Variants in MECOM observed in about 807,000 individuals in gnomAD.
MECOM encodes MDS1 and EVI1 complex locus, also known as histone-lysine N-methyltransferase MECOM.
In MECOM, 13 loss-of-function variants were observed where a neutral mutation model predicts 116.3. The ratio of observed to expected loss-of-function variants is 0.11; its 90% CI spans 0.07 to 0.18. The LOEUF is 0.18. Among genes scored for constraint, MECOM ranks in the 10% least tolerant of loss-of-function variants. The pLI, the probability that MECOM is intolerant of heterozygous loss-of-function variation, is 1.00. For missense variants in MECOM, 1,299 were observed against 1,509.0 expected (o/e 0.86, Z 2.31); for synonymous variants, 528 against 535.2 (o/e 0.99, Z 0.19).
intron 7 of MECOM, among the ~76,000 whole-genome samples, chr3:169,118,534 A>C (rs1338888779): frequency 6.6e-6 from 1 of 152,204 alleles, no homozygotes; most frequent in Non-Finnish European, 1.5e-5. Flanking sequence ...ATATTAGAAT[A>C]ATTTATAGCT....
chr3:169,211,729 G>A (rs1054026634), intron 2 of MECOM, among the ~76,000 whole-genome samples: 4 of 152,040 alleles, frequency 2.6e-5, no homozygotes, highest in Non-Finnish European at 4.4e-5. Context: ...GTTTCATCCA[G>A]TTCTAGAACT....
chr3:169,558,421 C>T (rs1333629958), intron 1 of MECOM, among the ~76,000 whole-genome samples: 1 of 152,208 alleles, frequency 6.6e-6, no homozygotes, highest in Non-Finnish European at 1.5e-5. Context: ...CCAGTAGACG[C>T]CCATTCTCTT....
intron 9 of MECOM, among the ~76,000 whole-genome samples, chr3:169,109,423 T>C (rs1443026521): frequency 5.3e-5 from 8 of 152,132 alleles, no homozygotes; most frequent in Admixed American, 1.3e-4. Context: ...GTATCTTTTT[T>C]TTTTTTTTGA....
chr3:169,516,150 A>G (rs1449737857), intron 1 of MECOM, among the ~76,000 whole-genome samples: 5 of 152,208 alleles, frequency 3.3e-5, no homozygotes, highest in Non-Finnish European at 7.3e-5. Flanking sequence ...AACTTCATGA[A>G]AAACAAGGTG....
At chr3:169,270,524 C>A (rs1758819187) in intron 2 of MECOM, among the ~76,000 whole-genome samples, 1 of 151,914 alleles carries the variant, frequency 6.6e-6, no homozygotes, top group South Asian at 2.1e-4. Context: ...TATCCTAAAG[C>A]TTTGAAAACT....
intron 2 of MECOM, among the ~76,000 whole-genome samples, chr3:169,374,587 C>A (rs909376185): frequency 3.3e-5 from 5 of 151,930 alleles, no homozygotes; most frequent in African/African-American, 1.2e-4. Context: ...GAAGTTCACC[C>A]CAGAAGCCTG....
chr3:169,546,831 T>C (rs535861925), intron 1 of MECOM, among the ~76,000 whole-genome samples: 4 of 152,388 alleles, frequency 2.6e-5, no homozygotes, highest in African/African-American at 4.8e-5. Context: ...TGGTTTCTGG[T>C]ATGTACTATC....
chr3:169,482,356 G>C (rs543400335), intron 1 of MECOM, among the ~76,000 whole-genome samples: 7 of 133,956 alleles, frequency 5.2e-5, no homozygotes, highest in Admixed American at 2.4e-4. Flanking sequence ...TTTTGAGACG[G>C]AGTCTCGCTC....
intron 2 of MECOM, among the ~76,000 whole-genome samples, chr3:169,232,870 C>T (rs548397397): frequency 3.3e-5 from 5 of 152,152 alleles, no homozygotes; most frequent in Non-Finnish European, 7.4e-5. Context: ...TTAACAACCT[C>T]TACCTTTATA....
At chr3:169,400,231 G>T (rs1490020737) in intron 1 of MECOM, among the ~76,000 whole-genome samples, 1 of 152,136 alleles carries the variant, frequency 6.6e-6, no homozygotes. Flanking sequence ...TCATGTGTGG[G>T]TTTGGTACTT....
chr3:169,195,562 C>T (rs1429216513), intron 2 of MECOM, among the ~76,000 whole-genome samples: 1 of 152,034 alleles, frequency 6.6e-6, no homozygotes, highest in Admixed American at 6.6e-5. Flanking sequence ...TTAATTCCTT[C>T]CTCAGGCCTG....
chr3:169,134,493 A>G (rs1735759423), intron 3 of MECOM, among the ~76,000 whole-genome samples: 1 of 152,190 alleles, frequency 6.6e-6, no homozygotes, highest in African/African-American at 2.4e-5. Context: ...TATGGTGCTC[A>G]TGAAACTGAG....
intron 2 of MECOM, among the ~76,000 whole-genome samples, chr3:169,348,816 C>T (rs1725807459): frequency 6.6e-6 from 1 of 151,958 alleles, no homozygotes. Flanking sequence ...AAGAACAGAA[C>T]AAATGCCTTA....
chr3:169,185,305 A>G (rs1746557614), intron 2 of MECOM, among the ~76,000 whole-genome samples: 2 of 152,126 alleles, frequency 1.3e-5, no homozygotes, highest in Admixed American at 1.3e-4. Context: ...CCAGAAAAGG[A>G]GACTGAGCAG....
chr3:169,104,748 G>A (rs1202306879), intron 10 of MECOM, among the ~76,000 whole-genome samples: 1 of 152,076 alleles, frequency 6.6e-6, no homozygotes, highest in East Asian at 1.9e-4. Flanking sequence ...TAAACCACAA[G>A]TCCTTCAAGT....
At chr3:169,510,172 G>A (rs1188729484) in intron 1 of MECOM, among the ~76,000 whole-genome samples, 1 of 152,182 alleles carries the variant, frequency 6.6e-6, no homozygotes, top group East Asian at 1.9e-4. Flanking sequence ...GATCAGGAGG[G>A]CTGGGATCAC....
At chr3:169,652,938 T>C (rs1775094544) in intron 1 of MECOM, among the ~76,000 whole-genome samples, 1 of 152,224 alleles carries the variant, frequency 6.6e-6, no homozygotes, top group South Asian at 2.1e-4. Flanking sequence ...CAGAATGTTT[T>C]ACCATTTCTA....
intron 1 of MECOM, among the ~76,000 whole-genome samples, chr3:169,444,037 T>C (rs991396321): frequency 2.0e-5 from 3 of 152,260 alleles, no homozygotes; most frequent in Non-Finnish European, 4.4e-5. Context: ...CAGGGCTCTT[T>C]CTTCGTACTG....
intron 1 of MECOM, among the ~76,000 whole-genome samples, chr3:169,451,185 C>T (rs1158337822): frequency 4.0e-5 from 6 of 151,750 alleles, no homozygotes; most frequent in Admixed American, 3.9e-4. Context: ...GATTTTCATG[C>T]CCTATGTATT....
Sources: gnomAD v4.1 joint callset for allele counts (sites outside exome capture counted in the v4.1 genomes callset) on GRCh38, gnomAD v4.1.1 for gene constraint, MANE v1.5 for transcripts, NCBI Gene and HGNC (gene_info 2026-07-23, HGNC 2026-07-21) for gene names.